The following MAP3K15 variants were observed in gnomAD, a reference collection of about 807,000 sequenced individuals.
MAP3K15 encodes the protein mitogen-activated protein kinase kinase kinase 15.
In MAP3K15, 124 loss-of-function variants were observed where a neutral mutation model predicts 99.5. The observed-to-expected ratio is 1.25, with a 90% CI of 1.08 to 1.45. The LOEUF is 1.45. Among genes scored for constraint, MAP3K15 ranks in the 40% most tolerant of loss-of-function variants. The pLI is 0.00. For synonymous variants in MAP3K15, 494 were observed against 439.6 expected, an observed-to-expected ratio of 1.12 and a Z score of -1.55; for missense variants, 1,242 against 1,079.7, an observed-to-expected ratio of 1.15 and a Z score of -2.11.
chrX:19,457,149 G>C (rs1292273225), intron 5 of MAP3K15, 130 bp from the exon 6 acceptor site: 5 of 439,164 alleles, frequency 1.1e-5, no homozygotes, highest in African/African-American at 2.4e-5. Flanking sequence ...GGCATTTAGT[G>C]AAGTTACTTG....
chrX:19,422,265 T>G (rs2063793733), intron 9 of MAP3K15, among the ~76,000 whole-genome samples: 2 of 110,920 alleles, frequency 1.8e-5, no homozygotes, highest in African/African-American at 6.6e-5. Flanking sequence ...GGGAGAAAAT[T>G]TTTGCAATCT....
At chrX:19,390,850 T>C (rs943626088) in intron 18 of MAP3K15, among the ~76,000 whole-genome samples, 1 of 110,554 alleles carries the variant, frequency 9.0e-6, no homozygotes, top group African/African-American at 3.3e-5. Context: ...GTTTCATAAT[T>C]CCATCAAGCA....
At chrX:19,390,524 T>A (rs1169921084) in intron 18 of MAP3K15, among the ~76,000 whole-genome samples, 2 of 103,529 alleles carry the variant, frequency 1.9e-5, no homozygotes, top group African/African-American at 7.0e-5. Context: ...ATAATCATTA[T>A]GTATTATATT....
intron 6 of MAP3K15, among the ~76,000 whole-genome samples, chrX:19,445,589 C>CAAAA (rs764600771): frequency 1.0e-4 from 4 of 38,513 alleles, no homozygotes; most frequent in African/African-American, 2.7e-4. Context: ...GACTCTGTCT[C>CAAAA]AAAAAAAAAA....
At chrX:19,499,899 A>G (rs1791201840) in intron 1 of MAP3K15, among the ~76,000 whole-genome samples, 2 of 112,514 alleles carry the variant, frequency 1.8e-5, no homozygotes, top group Admixed American at 1.9e-4. Flanking sequence ...TTAAAGTTGT[A>G]CAGCTGAGAT....
intron 1 of MAP3K15, among the ~76,000 whole-genome samples, chrX:19,492,440 A>C (rs1019910835): frequency 9.0e-6 from 1 of 111,558 alleles, no homozygotes; most frequent in East Asian, 2.8e-4. Context: ...GTTTTTTAGC[A>C]GGAGACTCTC....
chrX:19,446,841 GCCTTC>G (rs1225799979), intron 6 of MAP3K15, among the ~76,000 whole-genome samples: 1 of 111,031 alleles, frequency 9.0e-6, no homozygotes, highest in Admixed American at 9.6e-5. Context: ...CCAGCCTACA[GCCTTC>G]CCTTCCTTTT....
chrX:19,401,745 T>C (rs1205241922), intron 13 of MAP3K15, among the ~76,000 whole-genome samples: 1 of 111,924 alleles, frequency 8.9e-6, no homozygotes, highest in Non-Finnish European at 1.9e-5. Context: ...GGCCACTTCC[T>C]AGACTTGTGC....
intron 3 of MAP3K15, among the ~76,000 whole-genome samples, chrX:19,473,389 G>A (rs1306441073): frequency 2.7e-5 from 3 of 111,993 alleles, no homozygotes; most frequent in Non-Finnish European, 3.8e-5. Flanking sequence ...TTGGTCAAGA[G>A]ACCAGAAATT....
Position 19,415,272 on chromosome X carries a change from A to T in MAP3K15, c.1440-15T>A, listed in dbSNP as rs1342681820. 1 of 1,150,722 alleles carries T rather than the reference A, an allele frequency of 8.7e-7. No individual in the cohort carries two copies. Among genetic ancestry groups the T allele is most frequent in the African/African-American group, 1.8e-5 (1 of 55,898 alleles). 94.8% of individuals were successfully genotyped at this position (1,150,722 alleles called of 1,213,427 possible). ...ATCGCAGGTACCTGGAAAAATCACA[A>T]ACAGCAATATATTGGATTCCTAAAG... On this transcript the variant is annotated splice_polypyrimidine_tract_variant and intron_variant, in intron 9 of 28. Transcript: ENST00000338883.
chrX:19,457,897 C>T (rs1465158964), intron 5 of MAP3K15, among the ~76,000 whole-genome samples: 2 of 111,824 alleles, frequency 1.8e-5, no homozygotes, highest in Admixed American at 9.5e-5. Flanking sequence ...GCCCCACACA[C>T]GCACTTAGTT....
intron 3 of MAP3K15, among the ~76,000 whole-genome samples, chrX:19,476,737 G>A (rs772405681): frequency 4.5e-5 from 5 of 112,152 alleles, no homozygotes; most frequent in African/African-American, 6.5e-5. Flanking sequence ...AAAAGTAAAC[G>A]AAGATATCCC....
chrX:19,482,179 C>CAAAAAAAAAAAAAAAAA lies in MAP3K15; in HGVS notation c.525+4286_525+4302dup, dbSNP rs34191166. ...TGGGCGACAGAGTGAGATTCCAGCT[C>CAAAAAAAAAAAAAAAAA]AAAAAAAAAAAAAAAAAGCCTATAT... On this transcript the variant is annotated intron_variant, in intron 3 of 28. Coordinates refer to ENST00000338883, the MANE Select transcript of MAP3K15 (RefSeq NM_001001671.4). 2.5e-4 allele frequency: 8 copies of CAAAAAAAAAAAAAAAAA among 31,467 alleles called. 1 individual carries two copies. Among genetic ancestry groups the CAAAAAAAAAAAAAAAAA allele is most frequent in the East Asian group, 9.9e-4 (1 of 1,013 alleles). 2.6% of individuals were successfully genotyped at this position (31,467 alleles called of 1,213,427 possible).
intron 6 of MAP3K15, among the ~76,000 whole-genome samples, chrX:19,444,473 T>TG (rs2063981183): frequency 9.0e-6 from 1 of 111,632 alleles, no homozygotes; most frequent in Admixed American, 9.6e-5. Context: ...CTTTTCTACC[T>TG]GCTCAGAACG....
intron 1 of MAP3K15, among the ~76,000 whole-genome samples, chrX:19,494,919 TCTC>T (rs751392181): frequency 4.0e-3 from 439 of 108,500 alleles, no homozygotes; most frequent in African/African-American, 0.013. Flanking sequence ...AGAAGGCACC[TCTC>T]CTAACTCCTA....
At chrX:19,500,340 T>G (rs766956428) in intron 1 of MAP3K15, among the ~76,000 whole-genome samples, 16 of 111,961 alleles carry the variant, frequency 1.4e-4, no homozygotes, top group Non-Finnish European at 3.0e-4. Context: ...AGCAGGATGT[T>G]AATAATTGTC....
chrX:19,468,089 T>C (rs2064181103), intron 3 of MAP3K15, among the ~76,000 whole-genome samples: 1 of 111,823 alleles, frequency 8.9e-6, no homozygotes, highest in Non-Finnish European at 1.9e-5. Context: ...CTGTAAGAAC[T>C]GCAGCTCTTC....
chrX:19,492,929 T>C (rs954510779), intron 1 of MAP3K15, among the ~76,000 whole-genome samples: 9 of 111,458 alleles, frequency 8.1e-5, no homozygotes, highest in African/African-American at 2.3e-4. Flanking sequence ...GTTGCACCAC[T>C]GTACCCCAGC....
In MAP3K15 at chrX:19,369,067, G is replaced by T; in HGVS notation, c.3553C>A (p.Gln1185Lys). The T allele has an allele frequency of 1.7e-6, 2 of 1,203,579 alleles. No individual in the cohort carries two copies. The highest frequency in any genetic ancestry group is 2.2e-6 in the Non-Finnish European group (2 of 891,624). ...GAAGCTCCTCACCTGTTGGTCTCCT[G>T]TCTGAGCTCACCCAGCTGGAGGCTC... ...HLSLQLGELR[Q>K]ETNRLLEHLV... The change falls in exon 25 of 29, where the codon CAG becomes AAG. Residue 1185 changes from glutamine (Q) to lysine (K), a missense_variant. Transcript: ENST00000338883.
Sources: allele counts gnomAD v4.1 joint callset (sites outside exome capture counted in the v4.1 genomes callset), GRCh38; gene constraint gnomAD v4.1.1; transcripts MANE v1.5; gene names NCBI Gene and HGNC (gene_info 2026-07-23, HGNC 2026-07-21).